Variants in SPATA24 observed in about 807,000 individuals in gnomAD.
SPATA24 encodes spermatogenesis-associated protein 24.
A neutral mutation model predicts 28.9 loss-of-function variants in SPATA24; 21 were observed. That is an observed-to-expected ratio of 0.73 (90% CI 0.52 to 1.05). The LOEUF (loss-of-function observed/expected upper bound fraction) is 1.05, where lower values mean the gene tolerates loss of function less well. Among genes scored for constraint, SPATA24 ranks in the 50% least tolerant of loss-of-function variants. The pLI, the probability that SPATA24 is intolerant of heterozygous loss-of-function variation, is 0.00. For synonymous variants in SPATA24, 76 were observed against 89.9 expected (o/e 0.85, Z 0.88); for missense variants, 215 against 242.9 (o/e 0.88, Z 0.76).
At chr5:139,394,994 A>C, downstream of SPATA24, 2 of 1,497,278 alleles carry the variant, frequency 1.3e-6, no homozygotes, top group African/African-American at 1.5e-5. Flanking sequence ...GAGCCTGACG[A>C]ACCGGAGGAG....
chr5:139,396,731 G>A, downstream of SPATA24: 1 of 1,550,496 alleles, frequency 6.4e-7, no homozygotes, highest in Non-Finnish European at 8.7e-7. Flanking sequence ...GCTAGAGGCT[G>A]GGGACTCCCA....
Position 139,403,988 on chromosome 5 carries a change from C to T in SPATA24, c.73G>A (p.Val25Met). ...ATTAGTTCCTCCTGAGACTCAATCA[C>T]GTCCCGCAGTTGATCTAAAGCGAGA... ...VCLALDQLRD[V>M]IESQEELIHQ... Residue 25 changes from valine to methionine, a missense_variant, in exon 1 of 6, where the codon GTG (valine) becomes ATG (methionine). By Grantham distance (21) the Val-to-Met change is conservative. Coordinates refer to ENST00000450845, the MANE Select transcript of SPATA24 (RefSeq NM_194296.2). 1.3e-6 allele frequency: 2 copies of T among 1,551,914 alleles called. No homozygotes were observed. The highest frequency in any genetic ancestry group is 1.7e-6 in the Non-Finnish European group (2 of 1,147,044).
At chr5:139,392,742 G>A, downstream of SPATA24, 1 of 1,420,610 alleles carries the variant, frequency 7.0e-7, no homozygotes, top group South Asian at 1.5e-5. This position sits in a 1 kb window ranked among gnomAD's most constrained non-coding sequence, Gnocchi z 5.8. Flanking sequence ...TGCGGGCGCC[G>A]CCTAGAGGGC....
At chr5:139,393,302 G>C, downstream of SPATA24, 1 of 1,550,620 alleles carries the variant, frequency 6.4e-7, no homozygotes, top group East Asian at 2.4e-5. Context: ...GTGCCCACAG[G>C]GTGGCTGCCG....
chr5:139,394,018 T>C, downstream of SPATA24: 1 of 1,550,710 alleles, frequency 6.4e-7, no homozygotes, highest in South Asian at 1.2e-5. Flanking sequence ...GAACCGAGTC[T>C]TCCGCGCCTC....
At chr5:139,397,918 C>T (rs545070696) in intron 4 of SPATA24, among the ~76,000 whole-genome samples, 1 of 152,350 alleles carries the variant, frequency 6.6e-6, no homozygotes, top group South Asian at 2.1e-4. Context: ...TCTGTCTTCT[C>T]CGCTGCTGGG....
At chr5:139,396,394 T>G, downstream of SPATA24, 1 of 985,466 alleles carries the variant, frequency 1.0e-6, no homozygotes, top group Non-Finnish European at 1.2e-6. Context: ...TGTCAGCAGG[T>G]GCAAATGCAA....
intron 4 of SPATA24, among the ~76,000 whole-genome samples, chr5:139,400,148 A>T (rs1485014372): frequency 1.3e-5 from 2 of 152,064 alleles, no homozygotes; most frequent in Non-Finnish European, 2.9e-5. Flanking sequence ...TCACTAGGGG[A>T]GAGAGAAGGC....
intron 4 of SPATA24, 35 bp downstream of exon 4, chr5:139,401,720 A>C: frequency 3.7e-5 from 58 of 1,547,390 alleles, no homozygotes; most frequent in Non-Finnish European, 4.8e-5. Context: ...GCCCGTTTAT[A>C]TAACCGTGGT....
At chr5:139,401,893 C>T in intron 3 of SPATA24, 22 bp downstream of exon 3, 1 of 1,551,114 alleles carries the variant, frequency 6.4e-7, no homozygotes, top group Non-Finnish European at 8.7e-7. Context: ...AAACCCCACA[C>T]CCCGTACTGA....
In SPATA24 at chr5:139,402,113, G is replaced by GC. The variant is rs1478198275; in HGVS notation, c.184-69dup. The GC allele has an allele frequency of 2.7e-6, 4 of 1,500,512 alleles. No homozygotes were observed. The African/African-American group carries it at 5.6e-5, about 21-fold the overall frequency. The allele number at this position is 1,500,512 out of a possible 1,614,324, so 92.9% of individuals were successfully genotyped here. ...TGGGTCTCCTAGACTCCCTTAACCA[G>GC]CCCCCCTTCTCAGAGGGACACACAG... On this transcript the variant is annotated intron_variant, in intron 2 of 5. Coordinates refer to ENST00000450845, the MANE Select transcript of SPATA24 (RefSeq NM_194296.2).
downstream of SPATA24, chr5:139,395,433 C>G: frequency 4.2e-6 from 1 of 240,784 alleles, no homozygotes; most frequent in East Asian, 8.2e-5. Flanking sequence ...TGAAGCCCAG[C>G]AGGGATCCGC....
At chr5:139,393,603 A>G, downstream of SPATA24, 3 of 1,546,638 alleles carry the variant, frequency 1.9e-6, no homozygotes, top group Non-Finnish European at 2.6e-6. Context: ...ACGGGCTGCT[A>G]CGTGGCTCCA....
chr5:139,403,654 G>A (rs1758869035), intron 1 of SPATA24, among the ~76,000 whole-genome samples: 2 of 152,220 alleles, frequency 1.3e-5, no homozygotes, highest in South Asian at 2.1e-4. Context: ...ACTCAGTGAC[G>A]TCATCTCCAC....
chr5:139,395,145 TC>T, downstream of SPATA24: 1 of 1,348,904 alleles, frequency 7.4e-7, no homozygotes. Context: ...GCCGGCACTG[TC>T]CCCGCCCCGC....
downstream of SPATA24, chr5:139,394,401 G>C (rs925416840): frequency 2.2e-6 from 3 of 1,390,410 alleles, no homozygotes; most frequent in African/African-American, 3.1e-5. Context: ...GCAGCCGGGG[G>C]CGCGGCGCGC....
At chr5:139,402,762 C>G in intron 1 of SPATA24, 69 bp from the exon 2 acceptor site, 1 of 1,209,148 alleles carries the variant, frequency 8.3e-7, no homozygotes, top group Admixed American at 2.0e-5. Context: ...GGGACCAGGA[C>G]CAAAAGCGGA....
chr5:139,393,069 C>T, downstream of SPATA24: 5 of 1,529,624 alleles, frequency 3.3e-6, no homozygotes, highest in Non-Finnish European at 4.4e-6. Flanking sequence ...CGGGGGGCCC[C>T]AGTGCTGGCG....
At chr5:139,393,268 TC>T (rs1758631548), downstream of SPATA24, 3 of 1,549,802 alleles carry the variant, frequency 1.9e-6, no homozygotes, top group Non-Finnish European at 2.6e-6. Flanking sequence ...ACCCAAGACT[TC>T]CGGGCACTTA....
Sources: gnomAD v4.1 joint callset for allele counts (sites outside exome capture counted in the v4.1 genomes callset) on GRCh38, gnomAD v4.1.1 for gene constraint, Gnocchi (gnomAD v3.1) non-coding constraint, MANE v1.5 for transcripts, NCBI Gene and HGNC (gene_info 2026-07-23, HGNC 2026-07-21) for gene names.